The following LIX1 variants were observed in gnomAD, a reference collection of about 807,000 sequenced individuals.
LIX1 encodes protein limb expression 1 homolog.
A neutral mutation model predicts 33.4 loss-of-function variants in LIX1; 24 were observed. The observed-to-expected ratio is 0.72, with a 90% CI of 0.52 to 1.01. The LOEUF (loss-of-function observed/expected upper bound fraction) is 1.01, where lower values mean the gene tolerates loss of function less well. LIX1 is among the 50% of genes least tolerant of loss of function. LIX1 has a pLI of 0.00. For synonymous variants in LIX1, 124 were observed against 124.0 expected (o/e 1.00, Z 0.00); for missense variants, 311 against 339.2 (o/e 0.92, Z 0.65).
Position 97,107,402 on chromosome 5 carries a change from T to C in LIX1, c.345A>G (p.Glu115=). 7 of 1,612,582 alleles carry C rather than the reference T, an allele frequency of 4.3e-6. No homozygotes were observed. Among genetic ancestry groups the C allele is most frequent in the Non-Finnish European group, 5.9e-6 (7 of 1,179,988 alleles). ...NELPSRRITK[E]FIMESVQEAV... The stretch of plus-strand genomic sequence containing the variant: ...CTTCCTGAACACTTTCCATAATGAA[T>C]TCCTTGGTGATCCTGCGAGAGGGCA... Residue 115 remains glutamate (E), a synonymous_variant, in exon 3 of 6, where the codon GAA becomes GAG. Coordinates refer to ENST00000274382, the MANE Select transcript of LIX1 (RefSeq NM_153234.5).
intron 1 of LIX1, among the ~76,000 whole-genome samples, chr5:97,133,275 G>A (rs937337616): frequency 2.0e-5 from 3 of 152,198 alleles, no homozygotes; most frequent in African/African-American, 7.2e-5. Context: ...GTCTGGGTTT[G>A]AATCCTGTTT....
chr5:97,110,768 G>A (rs1747345018), intron 2 of LIX1, among the ~76,000 whole-genome samples: 1 of 152,090 alleles, frequency 6.6e-6, no homozygotes, highest in Admixed American at 6.5e-5. Flanking sequence ...CTATATAGCT[G>A]TTGAATGAAG....
intron 1 of LIX1, among the ~76,000 whole-genome samples, chr5:97,136,045 G>T (rs1170795283): frequency 6.6e-6 from 1 of 152,204 alleles, no homozygotes; most frequent in Non-Finnish European, 1.5e-5. Flanking sequence ...TCTAACCAGG[G>T]TTTATGCACA....
intron 1 of LIX1, among the ~76,000 whole-genome samples, chr5:97,134,139 A>C (rs115938084): frequency 3.9e-5 from 6 of 152,142 alleles, no homozygotes; most frequent in Non-Finnish European, 8.8e-5. Flanking sequence ...ATATTTTTTG[A>C]GATGGAGTTT....
chr5:97,104,477 A>G (rs529402520), intron 4 of LIX1, among the ~76,000 whole-genome samples: 2 of 152,278 alleles, frequency 1.3e-5, no homozygotes, highest in Admixed American at 1.3e-4. Flanking sequence ...CCTGACCCTG[A>G]ACCCTAGCTT....
Position 97,124,621 on chromosome 5 carries a change from C to T in LIX1, c.91G>A (p.Val31Met), listed in dbSNP as rs745705754. Residue 31 changes from valine (V) to methionine (M), a missense_variant, in exon 2 of 6, where the codon GTG becomes ATG. Val to Met is a conservative substitution (Grantham distance 21). Coordinates refer to ENST00000274382, the MANE Select transcript of LIX1 (RefSeq NM_153234.5). Reference protein sequence around the residue: ...PALVFKDLNVVSMLQEFWESK... With the variant: ...PALVFKDLNVMSMLQEFWESK... ...TCCCAAAATTCCTGTAACATTGACACAACGTTCACTGAAAAAGACAAGAAA... is the reference window on the plus strand; with the variant it reads ...TCCCAAAATTCCTGTAACATTGACATAACGTTCACTGAAAAAGACAAGAAA... 7 of 1,609,448 alleles carry T rather than the reference C, an allele frequency of 4.3e-6. No homozygotes were observed. In the South Asian group the frequency reaches 6.7e-5, roughly 15 times the overall value.
At chr5:97,124,659 T>C in intron 1 of LIX1, 30 bp from the exon 2 acceptor site, 1 of 1,592,828 alleles carries the variant, frequency 6.3e-7, no homozygotes, top group Non-Finnish European at 8.6e-7. Flanking sequence ...CCATCAGTTA[T>C]TAAGGATGGA....
intron 4 of LIX1, 78 bp from the exon 5 acceptor site, chr5:97,096,965 A>T: frequency 9.8e-7 from 1 of 1,019,694 alleles, no homozygotes; most frequent in South Asian, 1.3e-5. Context: ...CATAACTCTA[A>T]TTCCCAAATA....
rs562845294 is a variant in LIX1 at position 97,108,665 on chromosome 5, G to A, written c.247-1165C>T. 8.5e-5 allele frequency among the ~76,000 whole-genome samples: 13 copies of A among 152,144 alleles called. No homozygotes were observed. In the East Asian group the frequency reaches 2.1e-3, roughly 25 times the overall value. On this transcript the variant is annotated intron_variant, in intron 2 of 5. Coordinates refer to ENST00000274382, the MANE Select transcript of LIX1 (RefSeq NM_153234.5). ...TGTCTAGGATCTTGGACTCCTAGGG[G>A]GAAACAAGAGAAGTCCAGGCCTGGG...
At position 97,094,687 on chromosome 5, in the gene LIX1, T is replaced by G; in HGVS notation, c.*61A>C. On this transcript the variant is annotated 3_prime_UTR_variant, in exon 6 of 6. Coordinates refer to ENST00000274382, the MANE Select transcript of LIX1 (RefSeq NM_153234.5). ...CTGGAGCCTCTGAGGACCTCTGCAC[T>G]GAGATTCCTAATGTTAATCTGGCCT... is the stretch of plus-strand genomic sequence containing the variant. The G allele has an allele frequency of 4.2e-5, 64 of 1,518,680 alleles. No individual in the cohort carries two copies. The highest frequency in any genetic ancestry group is 5.5e-5 in the Non-Finnish European group (61 of 1,108,336). 94.1% of individuals were successfully genotyped at this position (1,518,680 alleles called of 1,614,324 possible). A position where few individuals can be genotyped will look rare whatever the true frequency, so the allele number is the denominator to read the frequency against.
intron 2 of LIX1, among the ~76,000 whole-genome samples, chr5:97,109,312 G>T (rs1346267270): frequency 6.6e-6 from 1 of 152,128 alleles, no homozygotes; most frequent in East Asian, 1.9e-4. Context: ...GGAGTGCAGT[G>T]GTGCAATCTT....
At chr5:97,123,460 C>A (rs1410236382) in intron 2 of LIX1, among the ~76,000 whole-genome samples, 2 of 152,182 alleles carry the variant, frequency 1.3e-5, no homozygotes, top group Non-Finnish European at 2.9e-5. Flanking sequence ...AAAGTATCTT[C>A]CCAACTTTCA....
chr5:97,100,877 T>C (rs938024515), intron 4 of LIX1, among the ~76,000 whole-genome samples: 41 of 146,782 alleles, frequency 2.8e-4, no homozygotes, highest in African/African-American at 1.0e-3. Context: ...GGCGAAATAG[T>C]AAGACCTCTG....
intron 1 of LIX1, among the ~76,000 whole-genome samples, chr5:97,136,853 AT>A (rs1748183527): frequency 3.9e-5 from 6 of 152,102 alleles, no homozygotes; most frequent in Admixed American, 3.3e-4. Flanking sequence ...TTTCAATAGG[AT>A]TCTTTTTTTT....
chr5:97,134,450 G>A (rs1158035126), intron 1 of LIX1, among the ~76,000 whole-genome samples: 1 of 152,128 alleles, frequency 6.6e-6, no homozygotes, highest in Non-Finnish European at 1.5e-5. Flanking sequence ...ATCTACCTCT[G>A]AACAGATGGA....
intron 2 of LIX1, among the ~76,000 whole-genome samples, chr5:97,122,927 C>T (rs995495151): frequency 1.3e-5 from 2 of 152,130 alleles, no homozygotes; most frequent in East Asian, 1.9e-4. Context: ...CATTACTTTT[C>T]GGAAGGTTAA....
At chr5:97,137,803 A>C (rs1748203526) in intron 1 of LIX1, among the ~76,000 whole-genome samples, 2 of 152,182 alleles carry the variant, frequency 1.3e-5, no homozygotes, top group Non-Finnish European at 2.9e-5. Flanking sequence ...CTGCACAAGA[A>C]TCTTCAGCCT....
intron 4 of LIX1, among the ~76,000 whole-genome samples, chr5:97,100,959 C>T (rs1746663706): frequency 6.7e-6 from 1 of 150,076 alleles, no homozygotes; most frequent in Non-Finnish European, 1.5e-5. Flanking sequence ...GTTGTCTTTT[C>T]CTGTGAGGGT....
At position 97,138,436 on chromosome 5, in the gene LIX1, A is replaced by C. The variant is rs530167939; in HGVS notation, c.82+4059T>G. 2.6e-5 allele frequency among the ~76,000 whole-genome samples: 4 copies of C among 152,342 alleles called. No homozygotes were observed. In the South Asian group the frequency reaches 8.3e-4, roughly 32 times the overall value. ...CTAAGAAAAAGCTGCAGTGTTCCCT[A>C]ACTTAGGTATTCGGATGTGTACCTC... On this transcript the variant is annotated intron_variant, in intron 1 of 5. Transcript: ENST00000274382.
Sources: allele counts gnomAD v4.1 joint callset (sites outside exome capture counted in the v4.1 genomes callset), GRCh38; gene constraint gnomAD v4.1.1; transcripts MANE v1.5; gene names NCBI Gene and HGNC (gene_info 2026-07-23, HGNC 2026-07-21).